The following NAV2 variants were observed in gnomAD, a reference collection of about 807,000 sequenced individuals.
NAV2 encodes helicase, APC down-regulated 1.
A neutral mutation model predicts 223.2 loss-of-function variants in NAV2; 54 were observed. That is an observed-to-expected ratio of 0.24 (90% CI 0.19 to 0.30). NAV2 has a LOEUF of 0.30. Ranked by LOEUF, NAV2 falls within the 10% of genes least tolerant of loss-of-function variation. NAV2 has a pLI of 1.00. For synonymous variants in NAV2, 1,279 were observed against 1,239.3 expected (o/e 1.03, Z -0.67); for missense variants, 2,806 against 3,147.5 (o/e 0.89, Z 2.60).
At chr11:19,742,656 C>T (rs2052952142) in intron 1 of NAV2, among the ~76,000 whole-genome samples, 1 of 152,178 alleles carries the variant, frequency 6.6e-6, no homozygotes, top group Admixed American at 6.5e-5. Flanking sequence ...TACCAGGGCA[C>T]AGCCTGGTAT....
chr11:19,584,578 G>A (rs1842337761), intron 1 of NAV2, among the ~76,000 whole-genome samples: 1 of 152,126 alleles, frequency 6.6e-6, no homozygotes, highest in East Asian at 1.9e-4. Flanking sequence ...GGTATGTTGT[G>A]TCTTTGTTCT....
chr11:19,417,597 A>G (rs529901560), intron 1 of NAV2, among the ~76,000 whole-genome samples: 1 of 152,386 alleles, frequency 6.6e-6, no homozygotes, highest in East Asian at 1.9e-4. Flanking sequence ...ATTACTGGGT[A>G]TATACCCAAA....
At chr11:20,071,911 G>C (rs1441060207) in intron 22 of NAV2, among the ~76,000 whole-genome samples, 4 of 152,182 alleles carry the variant, frequency 2.6e-5, no homozygotes, top group African/African-American at 9.6e-5. Context: ...TCACTCTGAT[G>C]AAGTTTCTTT....
intron 1 of NAV2, among the ~76,000 whole-genome samples, chr11:19,459,882 T>G (rs1365991905): frequency 6.6e-6 from 1 of 152,184 alleles, no homozygotes; most frequent in Non-Finnish European, 1.5e-5. Flanking sequence ...CTTAGGATGA[T>G]TAATACTGCA....
chr11:19,778,318 G>C (rs1197654485), intron 1 of NAV2: 1 of 455,574 alleles, frequency 2.2e-6, no homozygotes, highest in South Asian at 1.6e-5. Context: ...TAACCCCCTT[G>C]GATGTTAGTT....
chr11:20,064,845 A>T (rs746872500), intron 20 of NAV2, among the ~76,000 whole-genome samples: 13 of 152,162 alleles, frequency 8.5e-5, no homozygotes, highest in Non-Finnish European at 1.3e-4. Flanking sequence ...TTCTCACCAT[A>T]TGACTTTGGA....
intron 1 of NAV2, among the ~76,000 whole-genome samples, chr11:19,428,424 C>T (rs1032309315): frequency 6.6e-6 from 1 of 152,158 alleles, no homozygotes; most frequent in African/African-American, 2.4e-5. Context: ...GAATTAGCTC[C>T]TTGACGCATT....
At chr11:19,408,649 C>G (rs1013995379) in intron 1 of NAV2, among the ~76,000 whole-genome samples, 1 of 152,176 alleles carries the variant, frequency 6.6e-6, no homozygotes, top group Non-Finnish European at 1.5e-5. Context: ...ACTTGAACCT[C>G]GCAACAACCT....
At chr11:19,957,193 T>C (rs1233515002) in intron 10 of NAV2, among the ~76,000 whole-genome samples, 1 of 152,152 alleles carries the variant, frequency 6.6e-6, no homozygotes. Flanking sequence ...CCCAATAGGT[T>C]GGTGATGGGG....
At chr11:19,942,096 A>G (rs11025333) in intron 8 of NAV2, among the ~76,000 whole-genome samples, 27,947 of 152,198 alleles carry the variant, frequency 0.18, 3,238 homozygotes, top group East Asian at 0.53. Context: ...GGTAGACACT[A>G]AAGTTTTAAG....
chr11:19,599,343 T>A (rs986126806), intron 1 of NAV2, among the ~76,000 whole-genome samples: 6 of 152,214 alleles, frequency 3.9e-5, no homozygotes, highest in African/African-American at 1.2e-4. Flanking sequence ...GTTTTCCTTC[T>A]TACCTCCTGT....
chr11:19,691,825 TGACCACACTA>T (rs1439463011), intron 1 of NAV2, among the ~76,000 whole-genome samples: 1 of 152,364 alleles, frequency 6.6e-6, no homozygotes, highest in Admixed American at 6.5e-5. Context: ...ATTCATTTCC[TGACCACACTA>T]GAATTATCTG....
chr11:19,423,920 G>A lies in NAV2; in HGVS notation c.75+72893G>A, dbSNP rs570480885. 1.1e-4 allele frequency among the ~76,000 whole-genome samples: 16 copies of A among 152,206 alleles called. No homozygotes were observed. The South Asian group carries it at 1.9e-3, about 18-fold the overall frequency. On this transcript the variant is annotated intron_variant, in intron 1 of 37. Coordinates refer to the NAV2 transcript ENST00000360655. ...GGAGCTGAGGCATGAGCTGAGAATC[G>A]TAGAATAATAGTATGAAATCTCTTT...
intron 6 of NAV2, among the ~76,000 whole-genome samples, chr11:19,918,138 A>G (rs1442216015): frequency 6.6e-6 from 1 of 152,208 alleles, no homozygotes; most frequent in African/African-American, 2.4e-5. Context: ...AGTGCACCTC[A>G]GTGTGGAGCT....
At chr11:19,619,558 CTTT>C (rs2046918960) in intron 1 of NAV2, among the ~76,000 whole-genome samples, 1 of 152,158 alleles carries the variant, frequency 6.6e-6, no homozygotes, top group South Asian at 2.1e-4. Context: ...TAAATGTCTT[CTTT>C]TAAGAAGTGT....
chr11:19,425,498 C>T (rs911598417), intron 1 of NAV2, among the ~76,000 whole-genome samples: 8 of 152,180 alleles, frequency 5.3e-5, no homozygotes, highest in Admixed American at 3.9e-4. Context: ...GTCTTACATG[C>T]GTGGGAACTG....
chr11:19,721,903 G>A (rs938152288), intron 1 of NAV2, among the ~76,000 whole-genome samples: 1 of 152,208 alleles, frequency 6.6e-6, no homozygotes, highest in African/African-American at 2.4e-5. Context: ...TCTGCAGAAA[G>A]AAGAAAGAAA....
intron 4 of NAV2, among the ~76,000 whole-genome samples, chr11:19,873,603 C>G (rs1379577593): frequency 1.3e-5 from 2 of 152,060 alleles, no homozygotes; most frequent in African/African-American, 4.8e-5. Flanking sequence ...CCAGAGAGAT[C>G]TAGGTACTGA....
chr11:19,988,829 G>A (rs2051044922), intron 11 of NAV2, among the ~76,000 whole-genome samples: 2 of 152,196 alleles, frequency 1.3e-5, no homozygotes, highest in Non-Finnish European at 2.9e-5. Context: ...AAGAGCCCAG[G>A]ACACTGCTTG....
Sources: gnomAD v4.1 joint callset for allele counts (sites outside exome capture counted in the v4.1 genomes callset) on GRCh38, gnomAD v4.1.1 for gene constraint, MANE v1.5 for transcripts, NCBI Gene and HGNC (gene_info 2026-07-23, HGNC 2026-07-21) for gene names.